Variants in ZBTB7B observed in about 807,000 individuals in gnomAD.
ZBTB7B encodes zinc finger and BTB domain containing 7B, also known as zinc finger and BTB domain-containing protein 7B.
A neutral mutation model predicts 31.0 loss-of-function variants in ZBTB7B; 8 were observed. That is an observed-to-expected ratio of 0.26 (90% confidence interval 0.15 to 0.47). The LOEUF is 0.47. Ranked by LOEUF, ZBTB7B falls within the 20% of genes least tolerant of loss-of-function variation. The probability of loss-of-function intolerance (pLI) is 0.99; values close to 1 mark genes in which losing one functional copy is unlikely to be tolerated. For missense variants in ZBTB7B, 494 were observed against 742.4 expected, an observed-to-expected ratio of 0.67 and a Z score of 3.89; for synonymous variants, 261 against 307.3, an observed-to-expected ratio of 0.85 and a Z score of 1.58.
At position 155,017,357 on chromosome 1, in the gene ZBTB7B, AGAGGG is replaced by A. The variant is rs1553257700; in HGVS notation, c.*674_*678del. On this transcript the variant is annotated 3_prime_UTR_variant, in exon 3 of 3. Transcript: ENST00000535420. ...TGGCTCGCCTGCCCCTGGGGGCAGT[AGAGGG>A]GCCCCGCCCAGCTAGGGGAGCCGCT... 1 of 152,332 alleles carries A rather than the reference AGAGGG, an allele frequency of 6.6e-6. No homozygotes were observed. The highest frequency in any genetic ancestry group is 1.5e-5 in the Non-Finnish European group (1 of 68,284). The allele number at this position is 152,332 out of a possible 1,614,324, so 9.4% of individuals were successfully genotyped here. A position where few individuals can be genotyped will look rare whatever the true frequency, so the allele number is the denominator to read the frequency against.
chr1:155,010,848 G>A, intron 1 of ZBTB7B: 1 of 1,303,188 alleles, frequency 7.7e-7, no homozygotes, highest in Non-Finnish European at 1.1e-6. Context: ...AAGTAAGGGG[G>A]AGGGGTGGCC....
At chr1:155,014,135 G>A in intron 1 of ZBTB7B, 1 of 965,320 alleles carries the variant, frequency 1.0e-6, no homozygotes. Flanking sequence ...CAGGTTATGA[G>A]GAGGTTCATT....
At position 155,016,897 on chromosome 1, in the gene ZBTB7B, A is replaced by T. The variant is rs1295105313; in HGVS notation, c.*212A>T. Reference sequence around the variant, plus strand: ...AATTGGGGTGATCCCCCAAGGAGTGATACATATATTGTGTATATATTTACA... The same window carrying T: ...AATTGGGGTGATCCCCCAAGGAGTGTTACATATATTGTGTATATATTTACA... On this transcript the variant is annotated 3_prime_UTR_variant, in exon 3 of 3. Coordinates refer to ENST00000535420, the MANE Select transcript of ZBTB7B (RefSeq NM_001256455.2). The surrounding 1 kb of genome is among the most constrained non-coding windows in gnomAD (Gnocchi z 4.3). 1 of 529,464 alleles carries T rather than the reference A, an allele frequency of 1.9e-6. No individual in the cohort carries two copies. The highest frequency in any genetic ancestry group is 2.9e-5 in the East Asian group (1 of 34,984). 32.8% of individuals were successfully genotyped at this position (529,464 alleles called of 1,614,324 possible). A position where few individuals can be genotyped will look rare whatever the true frequency, so the allele number is the denominator to read the frequency against.
rs903784974 is a variant in ZBTB7B at position 155,003,383 on chromosome 1, G to A, written c.-7+440G>A. On this transcript the variant is annotated intron_variant, in intron 1 of 2. Transcript: ENST00000535420. The surrounding 1 kb of genome is among the most constrained non-coding windows in gnomAD (Gnocchi z 5.8). ...CCCCCCCCCCACCCCGCGCCCCCTG[G>A]CGCGGTGGATTGGCCCCAGGCCAGT... is the stretch of plus-strand genomic sequence containing the variant. 1.3e-5 allele frequency among the ~76,000 whole-genome samples: 2 copies of A among 152,140 alleles called. No individual in the cohort carries two copies. Among genetic ancestry groups the A allele is most frequent in the Admixed American group, 6.5e-5 (1 of 15,286 alleles).
intron 1 of ZBTB7B, chr1:155,010,298 A>G (rs1037685565): frequency 6.5e-6 from 1 of 153,460 alleles, no homozygotes; most frequent in African/African-American, 2.4e-5. Context: ...AGCTGGGCAG[A>G]GACTTAACCC....
rs1659592142 is a variant in ZBTB7B, at chr1:155,018,002, G to A, written c.*1317G>A. ...AACTACCCAATTCTGCTGGGGGTGG[G>A]GGACACCCCCCCTTCCTCGCTGGGT... is the stretch of plus-strand genomic sequence containing the variant. On this transcript the variant is annotated 3_prime_UTR_variant, in exon 3 of 3. Transcript: ENST00000535420. The A allele has an allele frequency of 6.3e-6, 1 of 158,196 alleles. No individual in the cohort carries two copies. The highest frequency in any genetic ancestry group is 2.4e-5 in the African/African-American group (1 of 41,480). 9.8% of individuals were successfully genotyped at this position (158,196 alleles called of 1,614,324 possible). A position where few individuals can be genotyped will look rare whatever the true frequency, so the allele number is the denominator to read the frequency against.
Position 155,011,746 on chromosome 1 carries a change from C to T in ZBTB7B, c.-6-2909C>T, listed in dbSNP as rs548332388. 1.3e-3 allele frequency among the ~76,000 whole-genome samples: 194 copies of T among 152,326 alleles called. 1 individual carries two copies. The highest frequency in any genetic ancestry group is 1.5e-3 in the Admixed American group (23 of 15,300). ...GTGGGGATGGGCCGCCTTCATGGGGCGTCAGGGGACTGGGCCCTCTGGGAT... is the reference window on the plus strand; with the variant it reads ...GTGGGGATGGGCCGCCTTCATGGGGTGTCAGGGGACTGGGCCCTCTGGGAT... On this transcript the variant is annotated intron_variant, in intron 1 of 2. Coordinates refer to ENST00000535420, the MANE Select transcript of ZBTB7B (RefSeq NM_001256455.2).
rs1659609349 is a variant in ZBTB7B, at chr1:155,018,186, C to T, written c.*1501C>T. 3.8e-6 allele frequency: 1 copy of T among 263,522 alleles called. No individual in the cohort carries two copies. The highest frequency in any genetic ancestry group is 4.0e-5 in the South Asian group (1 of 24,946). The allele number at this position is 263,522 out of a possible 1,614,324, so 16.3% of individuals were successfully genotyped here. On this transcript the variant is annotated 3_prime_UTR_variant, in exon 3 of 3. Transcript: ENST00000535420. ...CATTTGCACAGCTGCCCAGGTACCC[C>T]TAACAGTGGGGAGGGGTCACAGGGA...
rs538492632 is a variant in ZBTB7B, at chr1:155,002,893, C to T, written c.-57C>T. On this transcript the variant is annotated 5_prime_UTR_variant, in exon 1 of 3. Coordinates refer to ENST00000535420, the MANE Select transcript of ZBTB7B (RefSeq NM_001256455.2). ...GGGCCTGGTGGGGGACGCGCTTCTTCCCACACTGTGAGCCTCAGCAGCTCC... is the reference window on the plus strand; with the variant it reads ...GGGCCTGGTGGGGGACGCGCTTCTTTCCACACTGTGAGCCTCAGCAGCTCC... 35 of 153,204 alleles carry T rather than the reference C, an allele frequency of 2.3e-4. No individual in the cohort carries two copies. The South Asian group carries it at 6.5e-3, about 29-fold the overall frequency. 9.5% of individuals were successfully genotyped at this position (153,204 alleles called of 1,614,324 possible).
Position 155,018,237 on chromosome 1 carries a change from A to C in ZBTB7B, c.*1552A>C. Reference sequence around the variant, plus strand: ...GGGGGTAGCGGGACCAGTCCCTGTTATCTATTTAAAAAGTGATGATGTAAT... The same window carrying C: ...GGGGGTAGCGGGACCAGTCCCTGTTCTCTATTTAAAAAGTGATGATGTAAT... On this transcript the variant is annotated 3_prime_UTR_variant, in exon 3 of 3. Transcript: ENST00000535420. 1 of 341,364 alleles carries C rather than the reference A, an allele frequency of 2.9e-6. No homozygotes were observed. 21.1% of individuals were successfully genotyped at this position (341,364 alleles called of 1,614,324 possible). A position where few individuals can be genotyped will look rare whatever the true frequency, so the allele number is the denominator to read the frequency against.
chr1:155,005,087 C>T (rs1010829877), intron 1 of ZBTB7B, among the ~76,000 whole-genome samples: 14 of 152,188 alleles, frequency 9.2e-5, no homozygotes, highest in Non-Finnish European at 1.6e-4. Flanking sequence ...CCAGCTCCTC[C>T]TTGGCCTAGT....
intron 1 of ZBTB7B, chr1:155,010,852 G>C (rs1649485731): frequency 1.5e-6 from 2 of 1,358,974 alleles, no homozygotes; most frequent in African/African-American, 2.9e-5. Context: ...AAGGGGGAGG[G>C]GTGGCCAGCC....
Position 155,016,159 on chromosome 1 carries a change from C to A in ZBTB7B, c.1155-61C>A. On this transcript the variant is annotated intron_variant, in intron 2 of 2. Transcript: ENST00000535420. The surrounding 1 kb of genome is among the most constrained non-coding windows in gnomAD (Gnocchi z 4.3). ...TGGGACAAGGCCAGGGTGGGATGAC[C>A]AGGAGGAGCCAGGGATCCCATCCTG... The A allele has an allele frequency of 6.5e-7, 1 of 1,542,308 alleles. No individual in the cohort carries two copies. The highest frequency in any genetic ancestry group is 8.9e-7 in the Non-Finnish European group (1 of 1,128,784).
chr1:155,017,028 G>A lies in ZBTB7B; in HGVS notation c.*343G>A, dbSNP rs1659468395. On this transcript the variant is annotated 3_prime_UTR_variant, in exon 3 of 3. Coordinates refer to ENST00000535420, the MANE Select transcript of ZBTB7B (RefSeq NM_001256455.2). Reference sequence around the variant, plus strand: ...CCACTTCGGCTATGCGGGTTTCTAGGGGGTGGGGGCTTGGGACCAAAGCCT... The same window carrying A: ...CCACTTCGGCTATGCGGGTTTCTAGAGGGTGGGGGCTTGGGACCAAAGCCT... 1 of 224,736 alleles carries A rather than the reference G, an allele frequency of 4.4e-6. No homozygotes were observed. Among genetic ancestry groups the A allele is most frequent in the Non-Finnish European group, 8.8e-6 (1 of 113,118 alleles). 13.9% of individuals were successfully genotyped at this position (224,736 alleles called of 1,614,324 possible).
chr1:155,010,246 C>G (rs571697089), intron 1 of ZBTB7B: 2 of 152,968 alleles, frequency 1.3e-5, no homozygotes, highest in East Asian at 3.9e-4. Context: ...ATTAAGGTCT[C>G]CCTCATTTCA....
chr1:155,013,582 G>T (rs1260156718), intron 1 of ZBTB7B, among the ~76,000 whole-genome samples: 1 of 150,876 alleles, frequency 6.6e-6, no homozygotes. Context: ...CCCACCTCCT[G>T]GCTGCTCTGC....
chr1:155,011,591 C>T (rs1340166195), intron 1 of ZBTB7B, among the ~76,000 whole-genome samples: 2 of 152,202 alleles, frequency 1.3e-5, no homozygotes, highest in Non-Finnish European at 2.9e-5. Context: ...GGGTGGGGCC[C>T]CCAGTTCTTC....
intron 1 of ZBTB7B, among the ~76,000 whole-genome samples, chr1:155,007,569 G>A (rs992646537): frequency 6.6e-6 from 1 of 152,230 alleles, no homozygotes; most frequent in Non-Finnish European, 1.5e-5. Flanking sequence ...CTCTCTCTGT[G>A]TAGGCCCTGA....
In ZBTB7B at chr1:155,014,913, G is replaced by A; in HGVS notation, c.253G>A (p.Gly85Arg). Residue 85 changes from glycine (G) to arginine (R), a missense_variant, in exon 2 of 3, where the codon GGG (glycine) becomes AGG (arginine). Physicochemically the swap from Gly to Arg is moderately radical, Grantham distance 125. Transcript: ENST00000535420. ...TAGCGGGACGGCCACTGGGGGAGCA[G>A]GGGCCGGTGTGTGTGAGCTGGACTT... ...GGSGTATGGAGAGVCELDFVG... is the reference protein window; with the variant it reads ...GGSGTATGGARAGVCELDFVG... 1 of 1,613,948 alleles carries A rather than the reference G, an allele frequency of 6.2e-7. No individual in the cohort carries two copies. The highest frequency in any genetic ancestry group is 8.5e-7 in the Non-Finnish European group (1 of 1,179,994).
Sources: allele counts gnomAD v4.1 joint callset (sites outside exome capture counted in the v4.1 genomes callset), GRCh38; gene constraint gnomAD v4.1.1; non-coding constraint Gnocchi (gnomAD v3.1); transcripts MANE v1.5; gene names NCBI Gene and HGNC (gene_info 2026-07-23, HGNC 2026-07-21).